Variants in MALRD1 observed in about 807,000 individuals in gnomAD.
MALRD1 encodes the protein MAM and LDL receptor class A domain containing 1.
A neutral mutation model predicts 242.1 loss-of-function variants in MALRD1; 247 were observed. The observed-to-expected ratio is 1.02, with a 90% confidence interval of 0.92 to 1.13. MALRD1 has a LOEUF of 1.13. Among genes scored for constraint, MALRD1 ranks in the 50% most tolerant of loss-of-function variants. MALRD1 has a pLI of 0.00. For missense variants in MALRD1, 2,989 were observed against 2,533.1 expected (o/e 1.18, Z -3.86); for synonymous variants, 995 against 866.6 (o/e 1.15, Z -2.60).
At chr10:19,538,823 G>A (rs2131370292) in intron 32 of MALRD1, among the ~76,000 whole-genome samples, 1 of 151,880 alleles carries the variant, frequency 6.6e-6, no homozygotes, top group South Asian at 2.1e-4. Context: ...AAACTTCCGT[G>A]ATCACAGATA....
At chr10:19,128,977 A>G (rs1481168609) in intron 8 of MALRD1, among the ~76,000 whole-genome samples, 2 of 152,120 alleles carry the variant, frequency 1.3e-5, no homozygotes, top group African/African-American at 4.8e-5. Context: ...AGTATAGGAA[A>G]ACACCCTGCT....
In MALRD1 at chr10:19,595,209, A is replaced by C; in HGVS notation, c.5696A>C (p.Gln1899Pro). The C allele has an allele frequency of 6.5e-7, 1 of 1,549,920 alleles. No individual in the cohort carries two copies. Among genetic ancestry groups the C allele is most frequent in the African/African-American group, 1.4e-5 (1 of 73,150 alleles). ...TCTTTTTTAGGTCCTGTCCCAGTGC[A>C]GCCATCACCCTGTGAAGCTGATCAG... ...ECVTGGPVPV[Q>P]PSPCEADQFS... The change falls in exon 34 of 40, where the codon CAG becomes CCG. Residue 1899 changes from glutamine (Q) to proline (P), a missense_variant. Transcript: ENST00000454679.
intron 19 of MALRD1, among the ~76,000 whole-genome samples, chr10:19,266,314 T>C (rs1287502171): frequency 6.6e-6 from 1 of 151,896 alleles, no homozygotes; most frequent in East Asian, 1.9e-4. Context: ...CTATCTTCCA[T>C]TGTGATTTGA....
At chr10:19,587,006 C>G (rs563544641) in intron 33 of MALRD1, among the ~76,000 whole-genome samples, 2 of 152,340 alleles carry the variant, frequency 1.3e-5, no homozygotes, top group East Asian at 3.9e-4. Flanking sequence ...CCGTCTGTCA[C>G]CACTTTCTTT....
At chr10:19,688,410 A>C (rs1842688481) in intron 36 of MALRD1, among the ~76,000 whole-genome samples, 1 of 152,078 alleles carries the variant, frequency 6.6e-6, no homozygotes, top group South Asian at 2.1e-4. Context: ...CTACAGGGGC[A>C]CACCACCTTG....
rs116638065 is a variant in MALRD1, at chr10:19,360,182, G to T, written c.4441+7885G>T. Among the ~76,000 whole-genome samples the T allele has an allele frequency of 6.2e-3, 937 of 152,038 alleles. 6 individuals are homozygous for T. The highest frequency in any genetic ancestry group is 0.022 in the African/African-American group (893 of 41,472). ...CATTACTAAAAGTATATGAGTAGGG[G>T]GTATACTTTGTTTAAATTCTCCATG... On this transcript the variant is annotated intron_variant, in intron 26 of 39. Coordinates refer to ENST00000454679, the MANE Select transcript of MALRD1 (RefSeq NM_001142308.3).
intron 29 of MALRD1, among the ~76,000 whole-genome samples, chr10:19,462,283 T>C (rs1010001763): frequency 6.6e-6 from 1 of 152,204 alleles, no homozygotes. Context: ...AGCCACTATC[T>C]ACCTGCCCTA....
intron 28 of MALRD1, among the ~76,000 whole-genome samples, chr10:19,395,427 G>T (rs1846532712): frequency 6.6e-6 from 1 of 152,188 alleles, no homozygotes. Flanking sequence ...TCGAACTGGG[G>T]AGAGGGCTTC....
intron 29 of MALRD1, among the ~76,000 whole-genome samples, chr10:19,487,352 GT>G (rs1471230040): frequency 1.4e-4 from 12 of 87,230 alleles, no homozygotes; most frequent in African/African-American, 5.6e-4. Flanking sequence ...ACGTGAGGCT[GT>G]TTTTTATTTG....
intron 36 of MALRD1, among the ~76,000 whole-genome samples, chr10:19,687,190 C>T (rs961397251): frequency 1.3e-5 from 2 of 152,002 alleles, no homozygotes; most frequent in African/African-American, 4.8e-5. Context: ...TGTCTTAGTA[C>T]AAGTATTATT....
rs541559286 is a variant in MALRD1, at chr10:19,450,467, T to C, written c.5006T>C (p.Ile1669Thr). The C allele has an allele frequency of 9.9e-5, 154 of 1,549,468 alleles. No individual in the cohort carries two copies. Among genetic ancestry groups the C allele is most frequent in the Non-Finnish European group, 1.2e-4 (138 of 1,146,572 alleles). ...GGAGGAGGAGCTGCAATTGATGATA[T>C]TGAATTTAAAAACTGCACAACTGGT... ...DLGGGAAIDD[I>T]EFKNCTTVGE... Residue 1669 changes from isoleucine to threonine, a missense_variant, in exon 29 of 40, where the codon ATT becomes ACT. Ile to Thr is a moderately conservative substitution (Grantham distance 89). Transcript: ENST00000454679.
intron 18 of MALRD1, among the ~76,000 whole-genome samples, chr10:19,223,671 A>G (rs1293669021): frequency 6.6e-6 from 1 of 152,012 alleles, no homozygotes; most frequent in Non-Finnish European, 1.5e-5. Flanking sequence ...CACATTAAGT[A>G]TTTCTCCTAA....
chr10:19,630,572 AT>A (rs1400091811), intron 36 of MALRD1, among the ~76,000 whole-genome samples: 1 of 152,148 alleles, frequency 6.6e-6, no homozygotes, highest in Non-Finnish European at 1.5e-5. Flanking sequence ...GACTTTAGTA[AT>A]GAGAATAAGG....
chr10:19,215,553 G>A (rs902435628), intron 18 of MALRD1, among the ~76,000 whole-genome samples: 7 of 151,992 alleles, frequency 4.6e-5, no homozygotes, highest in Non-Finnish European at 8.8e-5. Context: ...TTCTTGTAAA[G>A]CATCAGTGAT....
rs142855886 is a variant in MALRD1 at position 19,223,542 on chromosome 10, G to GTA, written c.2991+13871_2991+13872dup. Among the ~76,000 whole-genome samples, 1,153 of 151,964 alleles carry GTA rather than the reference G, an allele frequency of 7.6e-3. 17 individuals are homozygous for GTA. Among genetic ancestry groups the GTA allele is most frequent in the Middle Eastern group, 0.017 (5 of 294 alleles). ...TTTACATTTACATTTACATTTGTGT[G>GTA]TATATATATACGCACATACATACAC... is the stretch of plus-strand genomic sequence containing the variant. On this transcript the variant is annotated intron_variant, in intron 18 of 39. Coordinates refer to ENST00000454679, the MANE Select transcript of MALRD1 (RefSeq NM_001142308.3).
intron 28 of MALRD1, among the ~76,000 whole-genome samples, chr10:19,432,872 C>T (rs1204854491): frequency 6.6e-6 from 1 of 152,188 alleles, no homozygotes; most frequent in Non-Finnish European, 1.5e-5. Flanking sequence ...CTACTGTGAA[C>T]ATTTCAAAGA....
intron 36 of MALRD1, among the ~76,000 whole-genome samples, chr10:19,635,907 A>AT (rs993449420): frequency 5.5e-4 from 81 of 148,408 alleles, no homozygotes; most frequent in East Asian, 3.7e-3. Flanking sequence ...TTTATTGTTA[A>AT]TTTTTTTTTT....
chr10:19,730,159 G>A (rs982533359), intron 38 of MALRD1, among the ~76,000 whole-genome samples: 1 of 152,156 alleles, frequency 6.6e-6, no homozygotes, highest in Admixed American at 6.5e-5. Context: ...TGCTGTTTTT[G>A]AGTTTCATGA....
chr10:19,639,111 C>T (rs1351347856), intron 36 of MALRD1, among the ~76,000 whole-genome samples: 1 of 151,998 alleles, frequency 6.6e-6, no homozygotes, highest in African/African-American at 2.4e-5. Context: ...TGTAGAAACA[C>T]ATATGGGTTT....
Sources: allele counts gnomAD v4.1 joint callset (sites outside exome capture counted in the v4.1 genomes callset), GRCh38; gene constraint gnomAD v4.1.1; transcripts MANE v1.5; gene names NCBI Gene and HGNC (gene_info 2026-07-23, HGNC 2026-07-21).